COL12A1: variants seen among roughly 807,000 people sequenced by gnomAD.
COL12A1 encodes the protein collagen type XII alpha 1 chain.
A neutral mutation model predicts 349.7 loss-of-function variants in COL12A1; 114 were observed. That is an observed-to-expected ratio of 0.33 (90% CI 0.28 to 0.38). COL12A1 has a LOEUF of 0.38. Among genes scored for constraint, COL12A1 ranks in the 10% least tolerant of loss-of-function variants. The pLI is 1.00. For synonymous variants in COL12A1, 1,369 were observed against 1,329.0 expected (o/e 1.03, Z -0.66); for missense variants, 3,284 against 3,756.9 (o/e 0.87, Z 3.29).
At chr6:75,193,362 CT>C (rs1385296839) in intron 3 of COL12A1, among the ~76,000 whole-genome samples, 2 of 152,036 alleles carry the variant, frequency 1.3e-5, no homozygotes, top group Non-Finnish European at 2.9e-5. Flanking sequence ...TTTTTTACCC[CT>C]TTTTAAGTTT....
At chr6:75,122,134 C>T (rs900561617) in intron 43 of COL12A1, among the ~76,000 whole-genome samples, 2 of 152,152 alleles carry the variant, frequency 1.3e-5, no homozygotes, top group South Asian at 4.1e-4. Flanking sequence ...AGCCACCGCA[C>T]CTGGCCAAGT....
chr6:75,189,930 C>T (rs1769842334), intron 5 of COL12A1, 115 bp from the exon 6 acceptor site: 1 of 1,135,410 alleles, frequency 8.8e-7, no homozygotes, highest in African/African-American at 1.6e-5. Context: ...AGAACATATT[C>T]ACCAATTGTT....
At chr6:75,183,673 C>T in intron 9 of COL12A1, 21 bp from the exon 10 acceptor site, 3 of 1,575,380 alleles carry the variant, frequency 1.9e-6, no homozygotes, top group African/African-American at 1.4e-5. Flanking sequence ...AAAAAAAGTA[C>T]ATTAAACTTC....
chr6:75,201,645 A>C (rs988662090), intron 2 of COL12A1, among the ~76,000 whole-genome samples: 1 of 152,080 alleles, frequency 6.6e-6, no homozygotes, highest in African/African-American at 2.4e-5. Context: ...AAAAAAAGAT[A>C]TCTTTCATGA....
chr6:75,128,528 T>C (rs901241404), intron 37 of COL12A1, 103 bp from the exon 38 acceptor site: 12 of 993,658 alleles, frequency 1.2e-5, no homozygotes, highest in Non-Finnish European at 1.6e-5. Context: ...TAGTAGTTTT[T>C]TTCACATTTT....
chr6:75,107,137 TC>T (rs1444693945), intron 52 of COL12A1, among the ~76,000 whole-genome samples: 13 of 152,078 alleles, frequency 8.5e-5, no homozygotes, highest in African/African-American at 3.1e-4. Context: ...ACTCCTGGAC[TC>T]AAGTGATCCA....
intron 6 of COL12A1, 61 bp downstream of exon 6, chr6:75,189,491 A>T (rs1769812122): frequency 3.2e-6 from 5 of 1,581,802 alleles, no homozygotes; most frequent in Non-Finnish European, 4.3e-6. Flanking sequence ...GCAATGCATC[A>T]TTTCTTTCTG....
chr6:75,182,958 A>G (rs1769392396), intron 10 of COL12A1, 92 bp downstream of exon 10: 3 of 1,438,250 alleles, frequency 2.1e-6, no homozygotes, highest in Admixed American at 4.6e-5. Flanking sequence ...TCGTGTCTAT[A>G]AGAAGAATTG....
chr6:75,186,381 T>G (rs756045161), intron 8 of COL12A1, among the ~76,000 whole-genome samples: 1 of 152,158 alleles, frequency 6.6e-6, no homozygotes, highest in African/African-American at 2.4e-5. Flanking sequence ...TCAACATTAC[T>G]GATTATTAGA....
In COL12A1 at chr6:75,134,848, A is replaced by G. The variant is rs200317239; in HGVS notation, c.5402T>C (p.Ile1801Thr). Residue 1801 changes from isoleucine (I) to threonine (T), a missense_variant, in exon 32 of 66, where the codon ATA (isoleucine) becomes ACA (threonine). Physicochemically the swap from Ile to Thr is moderately conservative, Grantham distance 89 (BLOSUM62 -1). This residue lies in a region of COL12A1 where 2,601 missense variants were observed against 2,824.8 expected (regional missense o/e 0.92). Coordinates refer to ENST00000322507, the MANE Select transcript of COL12A1 (RefSeq NM_004370.6). ...GACCACACTGTTCTGCCGTCCTCCT[A>G]TTGTGGTCTTGAGTAAAAAGGGTCT... Reference protein sequence around the residue: ...TGEGNEQTTTIGGRQNSVVLQ... With the variant: ...TGEGNEQTTTTGGRQNSVVLQ... 397 of 1,609,882 alleles carry G rather than the reference A, an allele frequency of 2.5e-4. No individual in the cohort carries two copies. The African/African-American group carries it at 4.4e-3, about 18-fold the overall frequency.
intron 46 of COL12A1, among the ~76,000 whole-genome samples, chr6:75,118,665 T>C (rs969137095): frequency 3.3e-5 from 5 of 152,224 alleles, no homozygotes; most frequent in African/African-American, 7.2e-5. Context: ...TCTGCAAAGA[T>C]GTGCTAAAGC....
At chr6:75,092,043 A>G (rs911777454) in intron 60 of COL12A1, among the ~76,000 whole-genome samples, 1 of 152,160 alleles carries the variant, frequency 6.6e-6, no homozygotes, top group Non-Finnish European at 1.5e-5. Context: ...TACATTTGAG[A>G]TAAAAGAAAC....
In COL12A1 at chr6:75,145,383, C is replaced by A; in HGVS notation, c.4633G>T (p.Val1545Phe). The A allele has an allele frequency of 6.2e-7, 1 of 1,613,986 alleles. No homozygotes were observed. Among genetic ancestry groups the A allele is most frequent in the South Asian group, 1.1e-5 (1 of 91,062 alleles). ...LVPNTEYAVT[V>F]QAVLHDLTSE... The stretch of plus-strand genomic sequence containing the variant: ...GTGAGGTCGTGCAGGACAGCCTGGA[C>A]TGTGACTGCATACTCCGTGTTGGGA... Residue 1545 changes from valine to phenylalanine, a missense_variant, in exon 25 of 66, where the codon GTC (valine) becomes TTC (phenylalanine). By Grantham distance (50) the Val-to-Phe change is conservative. Coordinates refer to ENST00000322507, the MANE Select transcript of COL12A1 (RefSeq NM_004370.6).
chr6:75,156,196 C>A, intron 15 of COL12A1, 61 bp downstream of exon 15: 2 of 1,577,594 alleles, frequency 1.3e-6, no homozygotes, highest in South Asian at 2.3e-5. Flanking sequence ...GTAGACATAC[C>A]AAAGTCATCT....
rs747657598 is a variant in COL12A1 at position 75,113,270 on chromosome 6, G to C, written c.7884C>G (p.Gly2628=). 1.3e-6 allele frequency: 2 copies of C among 1,560,682 alleles called. No individual in the cohort carries two copies. Among genetic ancestry groups the C allele is most frequent in the Admixed American group, 1.9e-5 (1 of 53,142 alleles). The change falls in exon 51 of 66, where the codon GGC becomes GGG. Residue 2628 remains glycine, a synonymous_variant. Transcript: ENST00000322507. ...TLSFFNKDTR[G]EVQTVTFDTE... is the part of the protein sequence containing the mutation. ...TGTCAAATGTAACAGTTTGCACCTC[G>C]CCTCTTGTATCCTTGTTAAAGAATG...
In COL12A1 at chr6:75,175,297, T is replaced by C. The variant is rs1298426414; in HGVS notation, c.2451A>G (p.Pro817=). The C allele has an allele frequency of 6.2e-7, 1 of 1,613,946 alleles. No individual in the cohort carries two copies. The highest frequency in any genetic ancestry group is 1.1e-5 in the South Asian group (1 of 91,034). The stretch of plus-strand genomic sequence containing the variant: ...TAGGGTCAGAAACTCTTAAGTCTCT[T>C]GGATTCCCTCTAACTTCATTAAAAA... ...NAATEEVRGN[P]RDLRVSDPTT... is the part of the protein sequence containing the mutation. The change falls in exon 13 of 66, where the codon CCA becomes CCG. Residue 817 remains proline, a synonymous_variant. Coordinates refer to ENST00000322507, the MANE Select transcript of COL12A1 (RefSeq NM_004370.6).
At chr6:75,174,987 G>A in intron 13 of COL12A1, 51 bp downstream of exon 13, 1 of 1,594,680 alleles carries the variant, frequency 6.3e-7, no homozygotes, top group Non-Finnish European at 8.6e-7. Context: ...CTTCCTAGAG[G>A]CAGCACCACA....
chr6:75,097,172 G>T, intron 59 of COL12A1, 81 bp downstream of exon 59: 1 of 1,135,624 alleles, frequency 8.8e-7, no homozygotes, highest in Non-Finnish European at 1.3e-6. Flanking sequence ...GATGGAATGT[G>T]CTTCAAAGGC....
At chr6:75,139,046 T>C (rs368808835) in intron 27 of COL12A1, 85 bp from the exon 28 acceptor site, 3 of 1,482,344 alleles carry the variant, frequency 2.0e-6, no homozygotes, top group African/African-American at 2.8e-5. Context: ...CCTTGTTTTA[T>C]ATTAATGGAC....
Sources: gnomAD v4.1 joint callset for allele counts (sites outside exome capture counted in the v4.1 genomes callset) on GRCh38, gnomAD v4.1.1 for gene constraint, gnomAD v4.1.1 regional missense constraint, MANE v1.5 for transcripts, NCBI Gene and HGNC (gene_info 2026-07-23, HGNC 2026-07-21) for gene names.